GREM2: variants seen among roughly 807,000 people sequenced by gnomAD.
GREM2 encodes gremlin-2.
Under a neutral mutation model 14.2 loss-of-function variants are expected in GREM2, and 11 were observed. The observed-to-expected ratio is 0.78, with a 90% CI of 0.49 to 1.28. The LOEUF is 1.28. GREM2 is among the 50% of genes most tolerant of loss of function. The probability of loss-of-function intolerance (pLI) is 0.00; values close to 1 mark genes in which losing one functional copy is unlikely to be tolerated. For missense variants in GREM2, 210 were observed against 218.5 expected, an observed-to-expected ratio of 0.96 and a Z score of 0.24; for synonymous variants, 98 against 97.6, an observed-to-expected ratio of 1.00 and a Z score of -0.02.
At chr1:240,605,465 G>A (rs1680005554) in intron 1 of GREM2, among the ~76,000 whole-genome samples, 1 of 151,976 alleles carries the variant, frequency 6.6e-6, no homozygotes, top group Non-Finnish European at 1.5e-5. Context: ...AGCCTGGGCA[G>A]CAGAATGAGA....
At position 240,493,150 on chromosome 1, in the gene GREM2, T is replaced by A; in HGVS notation, c.326A>T (p.His109Leu). Reference protein sequence around the residue: ...GQCNSFYIPRHVKKEEESFQS... With the variant: ...GQCNSFYIPRLVKKEEESFQS... ...GAAGGACTCCTCCTCCTTCTTCACG[T>A]GCCGCGGGATGTAGAAGGAGTTGCA... Residue 109 changes from histidine to leucine, a missense_variant, in exon 2 of 2, where the codon CAC becomes CTC. Physicochemically the swap from His to Leu is moderately conservative, Grantham distance 99. Transcript: ENST00000318160. 4 of 1,614,146 alleles carry A rather than the reference T, an allele frequency of 2.5e-6. No homozygotes were observed. Among genetic ancestry groups the A allele is most frequent in the Non-Finnish European group, 3.4e-6 (4 of 1,180,016 alleles).
At position 240,489,726 on chromosome 1, in the gene GREM2, C is replaced by T. The variant is rs1431355464; in HGVS notation, c.*3243G>A. The T allele has an allele frequency of 6.6e-6, 1 of 152,162 alleles. No homozygotes were observed. Among genetic ancestry groups the T allele is most frequent in the East Asian group, 1.9e-4 (1 of 5,194 alleles). The allele number at this position is 152,162 out of a possible 1,614,324, so 9.4% of individuals were successfully genotyped here. On this transcript the variant is annotated 3_prime_UTR_variant, in exon 2 of 2. Transcript: ENST00000318160. Reference sequence around the variant, plus strand: ...TAATAATCAGTGGTGATAGGTCAATCATTAAATAAGCCTTCTGGGAATATA... The same window carrying T: ...TAATAATCAGTGGTGATAGGTCAATTATTAAATAAGCCTTCTGGGAATATA...
chr1:240,530,788 G>A (rs1011007334), intron 1 of GREM2: 1 of 152,130 alleles, frequency 6.6e-6, no homozygotes, highest in African/African-American at 2.4e-5. Context: ...CTATTCCTTC[G>A]GTTGTATTTT....
intron 1 of GREM2, among the ~76,000 whole-genome samples, chr1:240,570,226 G>A (rs1002930193): frequency 3.9e-5 from 6 of 152,158 alleles, no homozygotes; most frequent in African/African-American, 1.2e-4. Context: ...CACTTTGGGA[G>A]GCTGAGGCGG....
intron 1 of GREM2, among the ~76,000 whole-genome samples, chr1:240,563,640 G>C (rs1176815649): frequency 6.6e-6 from 1 of 152,194 alleles, no homozygotes; most frequent in East Asian, 1.9e-4. Context: ...TAGGTGGTCA[G>C]TGACTGAGTC....
At chr1:240,561,404 G>T (rs1030376906) in intron 1 of GREM2, among the ~76,000 whole-genome samples, 7 of 152,072 alleles carry the variant, frequency 4.6e-5, no homozygotes, top group Admixed American at 3.9e-4. Flanking sequence ...AAACTTTGCC[G>T]AATTCCAATT....
rs5782148 is a variant in GREM2, at chr1:240,513,575, CAAA to C, written c.-1-20102_-1-20100del. On this transcript the variant is annotated intron_variant, in intron 1 of 1. Transcript: ENST00000318160. ...GGGTGACAGAGTGAGACTCCATCTA[CAAA>C]AAAAAAAAAAAAAAAGAAGAAGAAG... Among the ~76,000 whole-genome samples the C allele has an allele frequency of 6.0e-3, 660 of 110,908 alleles. 4 individuals carry two copies. The highest frequency in any genetic ancestry group is 0.019 in the African/African-American group (564 of 29,782). 72.8% of individuals were successfully genotyped at this position (110,908 alleles called of 152,430 possible).
At chr1:240,510,279 A>T (rs1677787091) in intron 1 of GREM2, among the ~76,000 whole-genome samples, 1 of 142,910 alleles carries the variant, frequency 7.0e-6, no homozygotes, top group Admixed American at 7.2e-5. Flanking sequence ...CTGAGGCAGG[A>T]GAATGGCGTG....
chr1:240,586,494 C>T (rs1357282806), intron 1 of GREM2, among the ~76,000 whole-genome samples: 2 of 152,156 alleles, frequency 1.3e-5, no homozygotes, highest in South Asian at 4.1e-4. Flanking sequence ...ACTCCAAGTG[C>T]AGAAGCTTGT....
At chr1:240,534,702 A>C (rs113859817) in intron 1 of GREM2, among the ~76,000 whole-genome samples, 65,439 of 150,444 alleles carry the variant, frequency 0.43, 14,933 homozygotes, top group East Asian at 0.58. Context: ...CAAAAAAAAA[A>C]AAAAAAAAAA....
At chr1:240,596,886 C>T (rs1268655597) in intron 1 of GREM2, among the ~76,000 whole-genome samples, 2 of 152,086 alleles carry the variant, frequency 1.3e-5, no homozygotes, top group Non-Finnish European at 1.5e-5. Flanking sequence ...GTGCATACTT[C>T]GGGCAGAGAG....
chr1:240,550,227 G>A (rs768737603), intron 1 of GREM2: 1 of 152,130 alleles, frequency 6.6e-6, no homozygotes, highest in Non-Finnish European at 1.5e-5. Flanking sequence ...TCTCCATGTT[G>A]GTAAGGCTGG....
rs142931648 is a variant in GREM2 at position 240,608,996 on chromosome 1, G to A, written c.-2+2888C>T. 6.0e-3 allele frequency among the ~76,000 whole-genome samples: 916 copies of A among 152,206 alleles called. 5 individuals carry two copies. Among genetic ancestry groups the A allele is most frequent in the African/African-American group, 0.015 (641 of 41,516 alleles). Reference sequence around the variant, plus strand: ...ATTTATTTTCCCCCCACACCTGTGTGGGATATACCTAAGAACACAAGAGAG... The same window carrying A: ...ATTTATTTTCCCCCCACACCTGTGTAGGATATACCTAAGAACACAAGAGAG... On this transcript the variant is annotated intron_variant, in intron 1 of 1. Coordinates refer to ENST00000318160, the MANE Select transcript of GREM2 (RefSeq NM_022469.4).
At chr1:240,582,331 A>C (rs1294634097) in intron 1 of GREM2, among the ~76,000 whole-genome samples, 2 of 152,134 alleles carry the variant, frequency 1.3e-5, no homozygotes, top group Non-Finnish European at 2.9e-5. Flanking sequence ...ACTATTCGGG[A>C]GGCTGAGGCA....
At chr1:240,549,407 T>C (rs1235020434) in intron 1 of GREM2, among the ~76,000 whole-genome samples, 1 of 150,492 alleles carries the variant, frequency 6.6e-6, no homozygotes, top group Non-Finnish European at 1.5e-5. Flanking sequence ...GTAAAAATAA[T>C]ACATCAACTA....
chr1:240,542,359 C>G lies in GREM2; in HGVS notation c.-1-48883G>C, dbSNP rs1322969835. Among the ~76,000 whole-genome samples the G allele has an allele frequency of 1.3e-5, 2 of 151,064 alleles. No homozygotes were observed. Among genetic ancestry groups the G allele is most frequent in the Admixed American group, 1.3e-4 (2 of 15,116 alleles). On this transcript the variant is annotated intron_variant, in intron 1 of 1. Coordinates refer to ENST00000318160, the MANE Select transcript of GREM2 (RefSeq NM_022469.4). This position sits in a 1 kb window ranked among gnomAD's most constrained non-coding sequence, Gnocchi z 4.1. ...TCACGGCTCACGTCTAATCCCAGTA[C>G]TTTGGGAGGCCGAGGTGGGCAGATC...
At chr1:240,597,050 G>C (rs16840428) in intron 1 of GREM2, among the ~76,000 whole-genome samples, 29,520 of 152,148 alleles carry the variant, frequency 0.19, 2,986 homozygotes, top group East Asian at 0.35. Context: ...CAGAAACGGA[G>C]TATTACTACT....
chr1:240,509,360 ATTTTTTT>A (rs564246660), intron 1 of GREM2, among the ~76,000 whole-genome samples: 94 of 112,022 alleles, frequency 8.4e-4, no homozygotes, highest in African/African-American at 2.5e-3. Context: ...AGCTCATTTG[ATTTTTTT>A]TTTTTTTTTT....
intron 1 of GREM2, among the ~76,000 whole-genome samples, chr1:240,509,587 C>T (rs913657594): frequency 5.9e-5 from 9 of 151,930 alleles, no homozygotes; most frequent in African/African-American, 1.2e-4. Context: ...AGGCTGGTCT[C>T]GAACTCTCAA....
Sources: gnomAD v4.1 joint callset for allele counts (sites outside exome capture counted in the v4.1 genomes callset) on GRCh38, gnomAD v4.1.1 for gene constraint, Gnocchi (gnomAD v3.1) non-coding constraint, MANE v1.5 for transcripts, NCBI Gene and HGNC (gene_info 2026-07-23, HGNC 2026-07-21) for gene names.